GBE1: variants seen among roughly 807,000 people sequenced by gnomAD.
GBE1 encodes the protein 1,4-alpha-glucan branching enzyme 1, also known as 1,4-alpha-glucan-branching enzyme.
A neutral mutation model predicts 88.8 loss-of-function variants in GBE1; 70 were observed. That is an observed-to-expected ratio of 0.79 (90% CI 0.65 to 0.96). The LOEUF (loss-of-function observed/expected upper bound fraction) is 0.96, where lower values mean the gene tolerates loss of function less well. GBE1 is among the 40% of genes least tolerant of loss of function. GBE1 has a pLI of 0.00. For synonymous variants in GBE1, 284 were observed against 300.1 expected (o/e 0.95, Z 0.56); for missense variants, 872 against 871.0 (o/e 1.00, Z -0.01).
rs1702417782 is a variant in GBE1, at chr3:81,490,151, C to T, written c.*256G>A. 4.3e-6 allele frequency: 2 copies of T among 462,612 alleles called. No individual in the cohort carries two copies. Among genetic ancestry groups the T allele is most frequent in the South Asian group, 2.9e-5 (1 of 34,138 alleles). 28.7% of individuals were successfully genotyped at this position (462,612 alleles called of 1,614,324 possible). ...AATGTTTTTAACATATTATATATAACACTTCCATTTGAGAATCCTAGCTGC... is the reference window on the plus strand; with the variant it reads ...AATGTTTTTAACATATTATATATAATACTTCCATTTGAGAATCCTAGCTGC... On this transcript the variant is annotated 3_prime_UTR_variant, in exon 16 of 16. Coordinates refer to ENST00000429644, the MANE Select transcript of GBE1 (RefSeq NM_000158.4).
At chr3:81,558,979 C>T (rs1012871354) in intron 12 of GBE1, among the ~76,000 whole-genome samples, 1 of 151,928 alleles carries the variant, frequency 6.6e-6, no homozygotes, top group African/African-American at 2.4e-5. Flanking sequence ...TAGTTGGGGG[C>T]AGCATATACT....
intron 7 of GBE1, among the ~76,000 whole-genome samples, chr3:81,633,941 C>T (rs1409131006): frequency 1.3e-5 from 2 of 152,126 alleles, no homozygotes; most frequent in Non-Finnish European, 2.9e-5. Flanking sequence ...AATTGTATGA[C>T]ATTTTAACAT....
At position 81,606,270 on chromosome 3, in the gene GBE1, T is replaced by C. The variant is rs560090851; in HGVS notation, c.993-12247A>G. ...GAGCCTTCTTTCAACTGTTATATACTTTTTAAAGTTCCATGGAATCTTTTA... is the reference window on the plus strand; with the variant it reads ...GAGCCTTCTTTCAACTGTTATATACCTTTTAAAGTTCCATGGAATCTTTTA... On this transcript the variant is annotated intron_variant, in intron 7 of 15. Coordinates refer to ENST00000429644, the MANE Select transcript of GBE1 (RefSeq NM_000158.4). Among the ~76,000 whole-genome samples, 17 of 152,326 alleles carry C rather than the reference T, an allele frequency of 1.1e-4. No individual in the cohort carries two copies. The South Asian group carries it at 3.3e-3, about 30-fold the overall frequency.
chr3:81,625,235 A>T (rs1288505231), intron 7 of GBE1, among the ~76,000 whole-genome samples: 1 of 152,014 alleles, frequency 6.6e-6, no homozygotes, highest in Non-Finnish European at 1.5e-5. Flanking sequence ...ACTATCTAAG[A>T]CTCTAGACAC....
intron 1 of GBE1, among the ~76,000 whole-genome samples, chr3:81,742,020 C>T (rs1706356562): frequency 6.6e-6 from 1 of 151,622 alleles, no homozygotes; most frequent in Non-Finnish European, 1.5e-5. Flanking sequence ...TAAAATAAGA[C>T]AGCAAAGGGT....
intron 7 of GBE1, among the ~76,000 whole-genome samples, chr3:81,630,241 ACAAAC>A (rs1386022222): frequency 2.0e-5 from 3 of 152,162 alleles, no homozygotes; most frequent in Non-Finnish European, 4.4e-5. Flanking sequence ...GAGGAGAACT[ACAAAC>A]CACTACTCAA....
chr3:81,619,516 T>G, intron 7 of GBE1, among the ~76,000 whole-genome samples: 1 of 152,144 alleles, frequency 6.6e-6, no homozygotes, highest in East Asian at 1.9e-4. Context: ...ACATTTGCAT[T>G]TTAATATAAA....
At chr3:81,511,760 T>C (rs2106828954) in intron 14 of GBE1, among the ~76,000 whole-genome samples, 1 of 151,886 alleles carries the variant, frequency 6.6e-6, no homozygotes, top group Non-Finnish European at 1.5e-5. Context: ...TCAGCTCCCG[T>C]GTAAAGCAGC....
chr3:81,637,382 G>A (rs1192731023), intron 7 of GBE1, among the ~76,000 whole-genome samples: 1 of 152,094 alleles, frequency 6.6e-6, no homozygotes, highest in Non-Finnish European at 1.5e-5. Flanking sequence ...TGAAATCACA[G>A]AAAGCAAAAC....
At position 81,520,396 on chromosome 3, in the gene GBE1, G is replaced by T. The variant is rs370355805; in HGVS notation, c.1934+14799C>A. ...TATAAAAATGATTAGCAAATAGAAG[G>T]CCCACAAAAGAGGGGCCCTAATACT... On this transcript the variant is annotated intron_variant, in intron 14 of 15. Transcript: ENST00000429644. Among the ~76,000 whole-genome samples the T allele has an allele frequency of 1.8e-4, 28 of 151,412 alleles. No individual in the cohort carries two copies. In the East Asian group the frequency reaches 4.9e-3, roughly 26 times the overall value.
chr3:81,603,916 C>T (rs1409278754), intron 7 of GBE1, among the ~76,000 whole-genome samples: 4 of 152,096 alleles, frequency 2.6e-5, no homozygotes, highest in Non-Finnish European at 5.9e-5. Context: ...AAGTTTATGA[C>T]ATTAAATGTG....
chr3:81,737,595 G>A (rs1292302714), intron 1 of GBE1, among the ~76,000 whole-genome samples: 1 of 150,922 alleles, frequency 6.6e-6, no homozygotes, highest in African/African-American at 2.4e-5. Context: ...GACTTTTATA[G>A]CAGTTTTACA....
chr3:81,493,423 T>C (rs1056189954), intron 15 of GBE1, among the ~76,000 whole-genome samples: 5 of 152,278 alleles, frequency 3.3e-5, no homozygotes, highest in African/African-American at 1.2e-4. Context: ...CATAACCTCA[T>C]TATTTCATTA....
chr3:81,705,195 T>A lies in GBE1; in HGVS notation c.313+249A>T, dbSNP rs1462232761. The stretch of plus-strand genomic sequence containing the variant: ...TGTCTTCCTAATAGCATTTTTCTCA[T>A]AAACCTTGTTATTTCTAGTACATGA... On this transcript the variant is annotated intron_variant, in intron 2 of 15. Transcript: ENST00000429644. Among the ~76,000 whole-genome samples, 5 of 152,104 alleles carry A rather than the reference T, an allele frequency of 3.3e-5. No homozygotes were observed. The East Asian group carries it at 9.6e-4, about 29-fold the overall frequency.
In GBE1 at chr3:81,670,895, C is replaced by T. The variant is rs746333505; in HGVS notation, c.372G>A (p.Leu124=). ...ATTTATTCTGCTTTGGTGGGATATA[C>T]AGCTCCCATTTTCCATAATCCAGTT... ...YKKLDYGKWE[L]YIPPKQNKSV... The change falls in exon 3 of 16, where the codon CTG becomes CTA. Residue 124 remains leucine, a synonymous_variant. Coordinates refer to ENST00000429644, the MANE Select transcript of GBE1 (RefSeq NM_000158.4). 3 of 1,581,304 alleles carry T rather than the reference C, an allele frequency of 1.9e-6. No homozygotes were observed. The highest frequency in any genetic ancestry group is 2.4e-5 in the South Asian group (2 of 83,740).
At chr3:81,748,784 G>A (rs1383163246) in intron 1 of GBE1, among the ~76,000 whole-genome samples, 2 of 151,938 alleles carry the variant, frequency 1.3e-5, no homozygotes, top group Admixed American at 1.3e-4. Context: ...AGAGGTGGGT[G>A]GATCATGAGG....
At chr3:81,693,558 T>G (rs1308471812) in intron 2 of GBE1, among the ~76,000 whole-genome samples, 3 of 152,148 alleles carry the variant, frequency 2.0e-5, no homozygotes, top group African/African-American at 7.2e-5. Flanking sequence ...GTCCCTCTTG[T>G]GCATTGCTTG....
chr3:81,692,770 T>A (rs920662734), intron 2 of GBE1, among the ~76,000 whole-genome samples: 2 of 152,234 alleles, frequency 1.3e-5, no homozygotes, highest in Non-Finnish European at 2.9e-5. Context: ...TTTTTAAACC[T>A]ATTTCTAACT....
intron 12 of GBE1, among the ~76,000 whole-genome samples, chr3:81,551,862 C>G (rs971428497): frequency 1.3e-5 from 2 of 152,146 alleles, no homozygotes; most frequent in East Asian, 3.9e-4. Flanking sequence ...TGCTCCTGTT[C>G]CATCTAATCA....
Sources: gnomAD v4.1 joint callset for allele counts (sites outside exome capture counted in the v4.1 genomes callset) on GRCh38, gnomAD v4.1.1 for gene constraint, MANE v1.5 for transcripts, NCBI Gene and HGNC (gene_info 2026-07-23, HGNC 2026-07-21) for gene names.